CAMK2D: variants seen among roughly 807,000 people sequenced by gnomAD.
CAMK2D encodes the protein calcium/calmodulin dependent protein kinase II delta, also known as calcium/calmodulin-dependent protein kinase type II subunit delta.
In CAMK2D, 37 loss-of-function variants were observed where a neutral mutation model predicts 84.0. The ratio of observed to expected loss-of-function variants is 0.44; its 90% CI spans 0.34 to 0.58. The LOEUF (loss-of-function observed/expected upper bound fraction) is 0.58. Ranked by LOEUF, CAMK2D falls within the 20% of genes least tolerant of loss-of-function variation. The pLI, the probability that CAMK2D is intolerant of heterozygous loss-of-function variation, is 0.02. For missense variants in CAMK2D, 448 were observed against 652.5 expected, an observed-to-expected ratio of 0.69 and a Z score of 3.41; for synonymous variants, 202 against 212.5, an observed-to-expected ratio of 0.95 and a Z score of 0.43.
intron 3 of CAMK2D, among the ~76,000 whole-genome samples, chr4:113,613,580 T>C (rs976005666): frequency 2.6e-5 from 4 of 152,124 alleles, no homozygotes; most frequent in Admixed American, 2.6e-4. Flanking sequence ...ATTTTGAGGG[T>C]ACAGAGGTAG....
intron 16 of CAMK2D, among the ~76,000 whole-genome samples, chr4:113,484,803 A>G (rs1190749855): frequency 1.3e-5 from 2 of 152,018 alleles, no homozygotes; most frequent in African/African-American, 2.4e-5. Context: ...ATCTTTCCTC[A>G]TTATTTAGGA....
At chr4:113,675,129 CTT>C (rs1375234683) in intron 2 of CAMK2D, among the ~76,000 whole-genome samples, 3 of 152,174 alleles carry the variant, frequency 2.0e-5, no homozygotes, top group Non-Finnish European at 2.9e-5. Flanking sequence ...TTCCCCTACC[CTT>C]GTTTTACCTT....
At chr4:113,757,603 T>C (rs2099631303) in intron 2 of CAMK2D, among the ~76,000 whole-genome samples, 1 of 152,110 alleles carries the variant, frequency 6.6e-6, no homozygotes, top group Non-Finnish European at 1.5e-5. Context: ...GAAGAATGTC[T>C]CCTAACTCTT....
chr4:113,672,359 A>G (rs185328253), intron 2 of CAMK2D, among the ~76,000 whole-genome samples: 76 of 152,284 alleles, frequency 5.0e-4, no homozygotes, highest in Non-Finnish European at 8.7e-4. Flanking sequence ...ATTCCTCTCT[A>G]TCCTATTAAG....
At chr4:113,502,734 T>TGGGG (rs2098071962) in intron 15 of CAMK2D, among the ~76,000 whole-genome samples, 1 of 152,308 alleles carries the variant, frequency 6.6e-6, no homozygotes, top group African/African-American at 2.4e-5. Flanking sequence ...ATGGTAACAT[T>TGGGG]AGTTTCTCTT....
intron 3 of CAMK2D, among the ~76,000 whole-genome samples, chr4:113,645,314 C>T (rs1168981990): frequency 2.0e-5 from 3 of 152,172 alleles, no homozygotes; most frequent in Non-Finnish European, 4.4e-5. Flanking sequence ...CCATGCCCGG[C>T]CTGAATGTTT....
chr4:113,604,876 T>C (rs2098970746), intron 4 of CAMK2D, among the ~76,000 whole-genome samples: 1 of 152,218 alleles, frequency 6.6e-6, no homozygotes, highest in Non-Finnish European at 1.5e-5. Flanking sequence ...AAAATATAGA[T>C]ATAAATAATT....
intron 10 of CAMK2D, among the ~76,000 whole-genome samples, chr4:113,514,137 G>A (rs112945704): frequency 0.028 from 4,243 of 152,282 alleles, 164 homozygotes; most frequent in African/African-American, 0.096. Context: ...GAAATGGGCC[G>A]GGCGCGGTGG....
At chr4:113,560,737 G>T (rs1039995166) in intron 4 of CAMK2D, among the ~76,000 whole-genome samples, 2 of 152,138 alleles carry the variant, frequency 1.3e-5, no homozygotes, top group African/African-American at 4.8e-5. Flanking sequence ...AGCCAGGAAG[G>T]CTGGGAGTCT....
intron 3 of CAMK2D, among the ~76,000 whole-genome samples, chr4:113,650,910 C>T (rs976716424): frequency 6.6e-6 from 1 of 152,190 alleles, no homozygotes; most frequent in Non-Finnish European, 1.5e-5. Context: ...AAATAATGCT[C>T]ACGAAACATA....
chr4:113,574,843 A>G (rs895412951), intron 4 of CAMK2D, among the ~76,000 whole-genome samples: 1 of 152,230 alleles, frequency 6.6e-6, no homozygotes, highest in Non-Finnish European at 1.5e-5. Context: ...GAACACATAA[A>G]TGAAAACATT....
At chr4:113,703,515 G>A (rs2099429310) in intron 2 of CAMK2D, among the ~76,000 whole-genome samples, 1 of 152,198 alleles carries the variant, frequency 6.6e-6, no homozygotes, top group Non-Finnish European at 1.5e-5. Flanking sequence ...TAGAGATGCG[G>A]TATTGCTATG....
chr4:113,513,702 A>C lies in CAMK2D; in HGVS notation c.903+128T>G, dbSNP rs566547668. 3 of 611,912 alleles carry C rather than the reference A, an allele frequency of 4.9e-6. No homozygotes were observed. The East Asian group carries it at 8.4e-5, about 17-fold the overall frequency. 37.9% of individuals were successfully genotyped at this position (611,912 alleles called of 1,614,324 possible). A position where few individuals can be genotyped will look rare whatever the true frequency, so the allele number is the denominator to read the frequency against. ...GTATATTCCATTTCCCAAGAGCCCC[A>C]AAAAGAATAATGAGAGTATTGAGGT... On this transcript the variant is annotated intron_variant, in intron 11 of 20. Transcript: ENST00000511664.
intron 2 of CAMK2D, among the ~76,000 whole-genome samples, chr4:113,664,904 A>G (rs2099251755): frequency 6.6e-6 from 1 of 152,088 alleles, no homozygotes; most frequent in South Asian, 2.1e-4. Context: ...CCCGGGTTCA[A>G]GCAATTCTCC....
At position 113,517,546 on chromosome 4, in the gene CAMK2D, A is replaced by AAAT. The variant is rs768325531; in HGVS notation, c.696+14_696+16dup. On this transcript the variant is annotated intron_variant, in intron 9 of 20. Coordinates refer to ENST00000511664, the MANE Select transcript of CAMK2D (RefSeq NM_001321571.2). ...GACAAACCTTCATCTAAAGTGATAT[A>AAAT]AATAGTTATTACATACATCATAAGC... 1 of 1,238,338 alleles carries AAAT rather than the reference A, an allele frequency of 8.1e-7. No individual in the cohort carries two copies. Among genetic ancestry groups the AAAT allele is most frequent in the South Asian group, 1.3e-5 (1 of 76,432 alleles). 76.7% of individuals were successfully genotyped at this position (1,238,338 alleles called of 1,614,324 possible).
chr4:113,481,356 C>G (rs746050759), intron 16 of CAMK2D, among the ~76,000 whole-genome samples: 70 of 151,980 alleles, frequency 4.6e-4, no homozygotes, highest in Non-Finnish European at 7.6e-4. Context: ...TCTACAGAAA[C>G]TTACATTTTA....
chr4:113,688,786 C>CTT (rs2099367790), intron 2 of CAMK2D, among the ~76,000 whole-genome samples: 1 of 151,894 alleles, frequency 6.6e-6, no homozygotes, highest in Non-Finnish European at 1.5e-5. Flanking sequence ...CTCATTATTG[C>CTT]TTCTTGTCTG....
chr4:113,630,588 C>T (rs1047450834), intron 3 of CAMK2D, among the ~76,000 whole-genome samples: 7 of 152,160 alleles, frequency 4.6e-5, no homozygotes, highest in Admixed American at 1.3e-4. Context: ...ACATCTGCTG[C>T]AATTAATACC....
At chr4:113,695,353 A>T (rs1471649334) in intron 2 of CAMK2D, among the ~76,000 whole-genome samples, 1 of 151,980 alleles carries the variant, frequency 6.6e-6, no homozygotes, top group Non-Finnish European at 1.5e-5. Flanking sequence ...TCCAAATTTG[A>T]CCTCTCTACT....
Sources: allele counts gnomAD v4.1 joint callset (sites outside exome capture counted in the v4.1 genomes callset), GRCh38; gene constraint gnomAD v4.1.1; transcripts MANE v1.5; gene names NCBI Gene and HGNC (gene_info 2026-07-23, HGNC 2026-07-21).